ABL2: variants seen among roughly 807,000 people sequenced by gnomAD.
ABL2 encodes ABL proto-oncogene 2, non-receptor tyrosine kinase, also known as tyrosine-protein kinase ABL2.
In ABL2, 49 loss-of-function variants were observed where a neutral mutation model predicts 107.7. The ratio of observed to expected loss-of-function variants is 0.45; its 90% CI spans 0.36 to 0.58. ABL2 has a LOEUF of 0.58. Among genes scored for constraint, ABL2 ranks in the 20% least tolerant of loss-of-function variants. The pLI is 0.00. For missense variants in ABL2, 1,245 were observed against 1,457.0 expected, an observed-to-expected ratio of 0.85 and a Z score of 2.37; for synonymous variants, 549 against 548.6, an observed-to-expected ratio of 1.00 and a Z score of -0.01.
intron 1 of ABL2, among the ~76,000 whole-genome samples, chr1:179,135,787 C>T (rs1260015887): frequency 1.4e-5 from 2 of 140,546 alleles, no homozygotes; most frequent in Admixed American, 1.4e-4. Flanking sequence ...GGGGGGTCAG[C>T]CCCCCGCCCG....
At chr1:179,145,496 C>T (rs1657919565) in intron 1 of ABL2, among the ~76,000 whole-genome samples, 1 of 151,944 alleles carries the variant, frequency 6.6e-6, no homozygotes, top group African/African-American at 2.4e-5. Flanking sequence ...AAAAAGAAAA[C>T]TATTTTCAAA....
intron 2 of ABL2, 94 bp from the exon 3 acceptor site, chr1:179,131,575 C>A: frequency 1.5e-6 from 2 of 1,313,066 alleles, no homozygotes; most frequent in Admixed American, 1.9e-5. Flanking sequence ...CAGCTGCTGG[C>A]TCCAGAGTAG....
intron 1 of ABL2, among the ~76,000 whole-genome samples, chr1:179,137,192 C>T (rs1316911840): frequency 1.1e-4 from 17 of 152,076 alleles, no homozygotes; most frequent in Admixed American, 1.1e-3. Flanking sequence ...ACCAAGATAG[C>T]CAATTTGGGA....
In ABL2 at chr1:179,126,283, A is replaced by C. The variant is rs1249420590; in HGVS notation, c.687+94T>G. The C allele has an allele frequency of 7.3e-7, 1 of 1,367,234 alleles. No individual in the cohort carries two copies. The highest frequency in any genetic ancestry group is 2.2e-5 in the Admixed American group (1 of 44,488). The allele number at this position is 1,367,234 out of a possible 1,614,324, so 84.7% of individuals were successfully genotyped here. On this transcript the variant is annotated intron_variant, in intron 4 of 11. Transcript: ENST00000502732. The surrounding 1 kb of genome is among the most constrained non-coding windows in gnomAD (Gnocchi z 4.4). Reference sequence around the variant, plus strand: ...GCTAGTGAATATTTTATTTCACGTCAGACATAAAATCTATTATTTCACTTC... The same window carrying C: ...GCTAGTGAATATTTTATTTCACGTCCGACATAAAATCTATTATTTCACTTC...
intron 1 of ABL2, among the ~76,000 whole-genome samples, chr1:179,225,020 T>C (rs1321375288): frequency 6.6e-6 from 1 of 152,060 alleles, no homozygotes; most frequent in Non-Finnish European, 1.5e-5. Flanking sequence ...AGCAAGACCT[T>C]TCTCTAAAAT....
intron 1 of ABL2, among the ~76,000 whole-genome samples, chr1:179,137,093 A>G (rs1444821630): frequency 1.3e-5 from 2 of 152,154 alleles, no homozygotes; most frequent in Non-Finnish European, 2.9e-5. Flanking sequence ...AAACTTAAAA[A>G]AAGTTCTGAT....
At chr1:179,135,725 G>A (rs1377723399) in intron 1 of ABL2, among the ~76,000 whole-genome samples, 1 of 145,542 alleles carries the variant, frequency 6.9e-6, no homozygotes, top group African/African-American at 2.5e-5. Context: ...GCCCCTACTG[G>A]GAAGTGAGGA....
chr1:179,180,020 G>A (rs1437294524), intron 1 of ABL2, among the ~76,000 whole-genome samples: 6 of 151,914 alleles, frequency 3.9e-5, no homozygotes, highest in Admixed American at 3.3e-4. Flanking sequence ...GCTGAGGTGG[G>A]AGGATCACTT....
chr1:179,175,226 G>A (rs1321605408), intron 1 of ABL2, among the ~76,000 whole-genome samples: 1 of 152,102 alleles, frequency 6.6e-6, no homozygotes, highest in Non-Finnish European at 1.5e-5. Context: ...CAGGAGAAAA[G>A]ATGAGTTAGT....
chr1:179,199,018 T>C (rs575745795), intron 1 of ABL2, among the ~76,000 whole-genome samples: 48 of 152,028 alleles, frequency 3.2e-4, no homozygotes, highest in Admixed American at 5.9e-4. Context: ...ATGTTTGTAT[T>C]ATTAGTAGAG....
intron 1 of ABL2, among the ~76,000 whole-genome samples, chr1:179,194,492 G>A (rs1661192955): frequency 6.6e-6 from 1 of 152,106 alleles, no homozygotes; most frequent in Non-Finnish European, 1.5e-5. Flanking sequence ...TATAATTTCT[G>A]CTAACATGGA....
chr1:179,155,549 G>A (rs1658635121), intron 1 of ABL2, among the ~76,000 whole-genome samples: 1 of 151,988 alleles, frequency 6.6e-6, no homozygotes, highest in Non-Finnish European at 1.5e-5. Context: ...GGCCAACATG[G>A]TGAAACCCGT....
At chr1:179,120,710 C>G (rs1028398373) in intron 5 of ABL2, among the ~76,000 whole-genome samples, 2 of 152,156 alleles carry the variant, frequency 1.3e-5, no homozygotes, top group Non-Finnish European at 2.9e-5. Flanking sequence ...TGAGCCACCA[C>G]GCCCAGCTGA....
chr1:179,198,774 CAAACATGA>C (rs941259183), intron 1 of ABL2, among the ~76,000 whole-genome samples: 1 of 147,200 alleles, frequency 6.8e-6, no homozygotes, highest in Non-Finnish European at 1.5e-5. Context: ...ACTATCTTTT[CAAACATGA>C]AAACATGAAT....
chr1:179,151,145 T>C (rs554075131), intron 1 of ABL2, among the ~76,000 whole-genome samples: 46 of 152,324 alleles, frequency 3.0e-4, no homozygotes, highest in African/African-American at 9.1e-4. Flanking sequence ...ACTCACTTCA[T>C]TGCAGTGGCA....
chr1:179,200,209 G>C (rs1661586351), intron 1 of ABL2, among the ~76,000 whole-genome samples: 1 of 151,802 alleles, frequency 6.6e-6, no homozygotes, highest in Non-Finnish European at 1.5e-5. Flanking sequence ...ACTCCACCTG[G>C]ATAATTTTTG....
At position 179,100,850 on chromosome 1, in the gene ABL2, A is replaced by G. The variant is rs1359843282; in HGVS notation, c.*6868T>C. 1 of 232,780 alleles carries G rather than the reference A, an allele frequency of 4.3e-6. No homozygotes were observed. Among genetic ancestry groups the G allele is most frequent in the Non-Finnish European group, 8.5e-6 (1 of 117,836 alleles). The allele number at this position is 232,780 out of a possible 1,614,324, so 14.4% of individuals were successfully genotyped here. A position where few individuals can be genotyped will look rare whatever the true frequency, so the allele number is the denominator to read the frequency against. ...TTCAACACGCCAGCTGCTCCCTCAGAGTGAACAGGGCTTTGCTACTCTGCT... is the reference window on the plus strand; with the variant it reads ...TTCAACACGCCAGCTGCTCCCTCAGGGTGAACAGGGCTTTGCTACTCTGCT... On this transcript the variant is annotated 3_prime_UTR_variant, in exon 12 of 12. Coordinates refer to ENST00000502732, the MANE Select transcript of ABL2 (RefSeq NM_007314.4).
At chr1:179,111,696 T>G (rs1018673648) in intron 10 of ABL2, among the ~76,000 whole-genome samples, 1 of 152,246 alleles carries the variant, frequency 6.6e-6, no homozygotes, top group Non-Finnish European at 1.5e-5. Flanking sequence ...ATTGGACATA[T>G]GGATATCCTC....
At chr1:179,168,987 T>C (rs1200977054) in intron 1 of ABL2, among the ~76,000 whole-genome samples, 1 of 152,202 alleles carries the variant, frequency 6.6e-6, no homozygotes, top group Non-Finnish European at 1.5e-5. Context: ...GAGGATGATA[T>C]AGTCTAATTT....
Sources: gnomAD v4.1 joint callset for allele counts (sites outside exome capture counted in the v4.1 genomes callset) on GRCh38, gnomAD v4.1.1 for gene constraint, Gnocchi (gnomAD v3.1) non-coding constraint, MANE v1.5 for transcripts, NCBI Gene and HGNC (gene_info 2026-07-23, HGNC 2026-07-21) for gene names.